Variants in GIGYF2 observed in about 807,000 individuals in gnomAD.
GIGYF2 encodes GRB10 interacting GYF protein 2.
A neutral mutation model predicts 208.1 loss-of-function variants in GIGYF2; 25 were observed. That is an observed-to-expected ratio of 0.12 (90% CI 0.09 to 0.17). GIGYF2 has a LOEUF of 0.17. GIGYF2 is among the 10% of genes least tolerant of loss of function. The probability of loss-of-function intolerance (pLI) is 1.00; values close to 1 mark genes in which losing one functional copy is unlikely to be tolerated. For missense variants in GIGYF2, 1,302 were observed against 1,579.4 expected, an observed-to-expected ratio of 0.82 and a Z score of 2.98; for synonymous variants, 534 against 543.8, an observed-to-expected ratio of 0.98 and a Z score of 0.25.
intron 8 of GIGYF2, among the ~76,000 whole-genome samples, chr2:232,782,068 G>T (rs1357348583): frequency 6.6e-6 from 1 of 152,156 alleles, no homozygotes; most frequent in African/African-American, 2.4e-5. Flanking sequence ...CAGGTGCTAT[G>T]TCTCAGCCTT....
At chr2:232,836,267 T>C (rs12988087) in intron 22 of GIGYF2, among the ~76,000 whole-genome samples, 12,372 of 21,754 alleles carry the variant, frequency 0.57, 2,036 homozygotes, top group Non-Finnish European at 0.6. Flanking sequence ...TCTCTACATA[T>C]ATATATATAT....
chr2:232,701,115 A>G (rs1054138295), intron 1 of GIGYF2, among the ~76,000 whole-genome samples: 1 of 152,188 alleles, frequency 6.6e-6, no homozygotes, highest in African/African-American at 2.4e-5. Flanking sequence ...GAAAGCAGAA[A>G]GAGGTTTGAA....
chr2:232,809,614 G>A (rs139834153), intron 15 of GIGYF2, 106 bp from the exon 16 acceptor site: 2 of 752,736 alleles, frequency 2.7e-6, no homozygotes, highest in Admixed American at 1.8e-5. Context: ...GAGCTGGGAG[G>A]TAAAGGTCTT....
At chr2:232,707,797 C>T (rs886583526) in intron 2 of GIGYF2, among the ~76,000 whole-genome samples, 2 of 151,858 alleles carry the variant, frequency 1.3e-5, no homozygotes, top group Non-Finnish European at 2.9e-5. Flanking sequence ...GCCACCATGC[C>T]CGGCTAATTT....
intron 23 of GIGYF2, among the ~76,000 whole-genome samples, chr2:232,843,374 A>G (rs1701887767): frequency 6.6e-6 from 1 of 151,892 alleles, no homozygotes; most frequent in Admixed American, 6.6e-5. Flanking sequence ...CCTGACCAAC[A>G]TGGTGAAACC....
intron 22 of GIGYF2, among the ~76,000 whole-genome samples, chr2:232,833,325 A>G (rs1701482787): frequency 6.6e-6 from 1 of 151,978 alleles, no homozygotes; most frequent in African/African-American, 2.4e-5. Flanking sequence ...AGCTCATATG[A>G]TCCTCCCACC....
intron 21 of GIGYF2, among the ~76,000 whole-genome samples, chr2:232,821,843 G>A (rs538207765): frequency 4.0e-5 from 6 of 151,566 alleles, no homozygotes; most frequent in African/African-American, 1.4e-4. Context: ...TTTTCTGTAT[G>A]ATATGAGGTA....
chr2:232,814,817 T>G (rs1331969850), intron 18 of GIGYF2, among the ~76,000 whole-genome samples: 1 of 152,180 alleles, frequency 6.6e-6, no homozygotes, highest in Non-Finnish European at 1.5e-5. Flanking sequence ...CTCTTTGGGT[T>G]TATATGCAGT....
intron 2 of GIGYF2, among the ~76,000 whole-genome samples, chr2:232,718,318 C>T (rs1279388890): frequency 3.3e-5 from 5 of 152,216 alleles, no homozygotes; most frequent in Non-Finnish European, 5.9e-5. Context: ...AGGCTGGTCT[C>T]GAACTCCTGA....
intron 20 of GIGYF2, among the ~76,000 whole-genome samples, chr2:232,818,971 CT>C (rs139232721): frequency 6.6e-6 from 1 of 150,928 alleles, no homozygotes; most frequent in Non-Finnish European, 1.5e-5. Flanking sequence ...ATTTTTTGGT[CT>C]TTTTTTTTCT....
chr2:232,848,076 G>A (rs1407459748), intron 27 of GIGYF2, among the ~76,000 whole-genome samples: 3 of 152,158 alleles, frequency 2.0e-5, no homozygotes, highest in Middle Eastern at 3.2e-3. Context: ...ATTGCTCCTA[G>A]GGGATATATA....
At chr2:232,821,939 A>ATT (rs34551222) in intron 21 of GIGYF2, among the ~76,000 whole-genome samples, 12 of 137,312 alleles carry the variant, frequency 8.7e-5, no homozygotes, top group Admixed American at 5.0e-4. Flanking sequence ...TTGTATAAAT[A>ATT]TTTTTTTTTT....
At chr2:232,780,590 G>GT (rs1209686404) in intron 8 of GIGYF2, among the ~76,000 whole-genome samples, 1 of 152,196 alleles carries the variant, frequency 6.6e-6, no homozygotes, top group East Asian at 1.9e-4. Context: ...TGCATGTCCA[G>GT]TGCAAGGATT....
chr2:232,776,490 G>T, intron 8 of GIGYF2: 1 of 1,472,620 alleles, frequency 6.8e-7, no homozygotes, highest in Non-Finnish European at 9.5e-7. Flanking sequence ...AGGTCTTAAG[G>T]AAATTTACAG....
rs1043918451 is a variant in GIGYF2, at chr2:232,858,631, G to C, written c.*1771G>C. The C allele has an allele frequency of 6.6e-6, 3 of 452,108 alleles. No homozygotes were observed. The highest frequency in any genetic ancestry group is 1.3e-5 in the Non-Finnish European group (3 of 225,690). 28.0% of individuals were successfully genotyped at this position (452,108 alleles called of 1,614,324 possible). On this transcript the variant is annotated 3_prime_UTR_variant, in exon 29 of 29. Coordinates refer to ENST00000373563, the MANE Select transcript of GIGYF2 (RefSeq NM_001103146.3). ...AATAAAATCTGATTGTATTCTATCT[G>C]AGTGCACCTCTTGTACTCACCTTTA... is the stretch of plus-strand genomic sequence containing the variant.
intron 1 of GIGYF2, among the ~76,000 whole-genome samples, chr2:232,702,961 A>G (rs1467396402): frequency 6.6e-6 from 1 of 151,978 alleles, no homozygotes; most frequent in East Asian, 1.9e-4. Context: ...ATGCCTGGCT[A>G]ATTTTTGTAG....
At chr2:232,727,020 A>G (rs1697230964) in intron 2 of GIGYF2, among the ~76,000 whole-genome samples, 1 of 152,172 alleles carries the variant, frequency 6.6e-6, no homozygotes, top group Non-Finnish European at 1.5e-5. Context: ...GCTGGAGTGC[A>G]GTGGCACGAT....
At chr2:232,715,067 G>A (rs1238390089) in intron 2 of GIGYF2, among the ~76,000 whole-genome samples, 1 of 152,126 alleles carries the variant, frequency 6.6e-6, no homozygotes, top group East Asian at 1.9e-4. Context: ...GGTTTGCTAA[G>A]GATAATGGTC....
chr2:232,711,705 G>GTATATA (rs55893272), intron 2 of GIGYF2, among the ~76,000 whole-genome samples: 23,621 of 115,502 alleles, frequency 0.2, 3,162 homozygotes, highest in Admixed American at 0.26. Context: ...TCACAATGAT[G>GTATATA]TATATATATA....
Sources: allele counts gnomAD v4.1 joint callset (sites outside exome capture counted in the v4.1 genomes callset), GRCh38; gene constraint gnomAD v4.1.1; transcripts MANE v1.5; gene names NCBI Gene and HGNC (gene_info 2026-07-23, HGNC 2026-07-21).